The following CLCA1 variants were observed in gnomAD, a reference collection of about 807,000 sequenced individuals.
CLCA1 encodes the protein calcium-activated chloride channel regulator 1.
Under a neutral mutation model 85.6 loss-of-function variants are expected in CLCA1, and 59 were observed. The ratio of observed to expected loss-of-function variants is 0.69; its 90% CI spans 0.56 to 0.86. The LOEUF is 0.86. Among genes scored for constraint, CLCA1 ranks in the 40% least tolerant of loss-of-function variants. The pLI, the probability that CLCA1 is intolerant of heterozygous loss-of-function variation, is 0.00. For synonymous variants in CLCA1, 396 were observed against 398.3 expected, an observed-to-expected ratio of 0.99 and a Z score of 0.07; for missense variants, 1,022 against 1,101.4, an observed-to-expected ratio of 0.93 and a Z score of 1.02.
At chr1:86,483,335 T>C (rs189441360) in intron 5 of CLCA1, among the ~76,000 whole-genome samples, 3 of 152,268 alleles carry the variant, frequency 2.0e-5, no homozygotes, top group African/African-American at 4.8e-5. Context: ...AGTATCCATA[T>C]TGATAACATA....
chr1:86,479,691 C>G (rs1015181538), intron 4 of CLCA1, among the ~76,000 whole-genome samples: 9 of 152,142 alleles, frequency 5.9e-5, no homozygotes, highest in Non-Finnish European at 1.0e-4. Context: ...CGAGACCATC[C>G]TGGCTAACAC....
At position 86,473,869 on chromosome 1, in the gene CLCA1, AC is replaced by A; in HGVS notation, c.446del (p.Pro149HisfsTer37). ...CAGGAAAAAAGTTAGCTGAATATGG[AC>A]CACAAGGTATGAAATATTCTACCAT... ...IAGKKLAEYG[P>X]QGRAFVHEWA... On this transcript the variant is annotated frameshift_variant, in exon 3 of 14. Coordinates refer to ENST00000394711, the MANE Select transcript of CLCA1 (RefSeq NM_001285.4). LOFTEE classifies it high-confidence loss of function. 1 of 1,598,860 alleles carries A rather than the reference AC, an allele frequency of 6.3e-7. No homozygotes were observed. The highest frequency in any genetic ancestry group is 8.5e-7 in the Non-Finnish European group (1 of 1,173,466).
intron 6 of CLCA1, 65 bp from the exon 7 acceptor site, chr1:86,486,461 G>A: frequency 6.8e-7 from 1 of 1,460,478 alleles, no homozygotes; most frequent in Non-Finnish European, 9.5e-7. Flanking sequence ...AATTCCCTAT[G>A]GCCTTTTCTG....
At position 86,482,198 on chromosome 1, in the gene CLCA1, T is replaced by C. The variant is rs2101735354; in HGVS notation, c.558-7T>C. 6.2e-7 allele frequency: 1 copy of C among 1,610,024 alleles called. No individual in the cohort carries two copies. Among genetic ancestry groups the C allele is most frequent in the African/African-American group, 1.3e-5 (1 of 74,940 alleles). ...CACCTAAACATCTAACCTTCCTATA[T>C]TTTCAGATGTTCAGCAGGTATTACT... On this transcript the variant is annotated splice_region_variant and splice_polypyrimidine_tract_variant and intron_variant, in intron 4 of 13. Transcript: ENST00000394711.
intron 8 of CLCA1, among the ~76,000 whole-genome samples, chr1:86,491,011 G>A (rs756682229): frequency 1.3e-5 from 2 of 152,088 alleles, no homozygotes; most frequent in Non-Finnish European, 2.9e-5. Context: ...GAAGGTGGAG[G>A]TTGCAGTGAG....
At position 86,472,409 on chromosome 1, in the gene CLCA1, C is replaced by A. The variant is rs139231554; in HGVS notation, c.163-1008C>A. 6.7e-3 allele frequency among the ~76,000 whole-genome samples: 1,021 copies of A among 152,304 alleles called. 45 individuals carry two copies. Among genetic ancestry groups the A allele is most frequent in the Admixed American group, 0.062 (953 of 15,300 alleles). On this transcript the variant is annotated intron_variant, in intron 1 of 13. Coordinates refer to ENST00000394711, the MANE Select transcript of CLCA1 (RefSeq NM_001285.4). ...GCAGGCACTGACTGCCCTTCTGAGG[C>A]CCCTGTATTGGCTCCTCCTCTTTCT...
In CLCA1 at chr1:86,474,566, AG is replaced by A. The variant is rs1371825377; in HGVS notation, c.451+698del. Among the ~76,000 whole-genome samples, 122 of 106,090 alleles carry A rather than the reference AG, an allele frequency of 1.1e-3. 1 individual carries two copies. The highest frequency in any genetic ancestry group is 2.8e-3 in the Admixed American group (31 of 11,192). The allele number at this position is 106,090 out of a possible 152,430, so 69.6% of individuals were successfully genotyped here. On this transcript the variant is annotated intron_variant, in intron 3 of 13. Coordinates refer to ENST00000394711, the MANE Select transcript of CLCA1 (RefSeq NM_001285.4). ...GAGACTCCGTATCAAAAAAAAAAAA[AG>A]GGGGGGGATTCTCATTCATTAGGTG...
chr1:86,470,385 G>T lies in CLCA1; in HGVS notation c.162+1252G>T, dbSNP rs528535891. Among the ~76,000 whole-genome samples the T allele has an allele frequency of 4.6e-5, 7 of 152,296 alleles. No homozygotes were observed. The South Asian group carries it at 1.0e-3, about 23-fold the overall frequency. The stretch of plus-strand genomic sequence containing the variant: ...CATCTAAAATGTTGAGTGAGTTTTT[G>T]ATTGTTTCTAAATTTGGAAGTGGCA... On this transcript the variant is annotated intron_variant, in intron 1 of 13. Coordinates refer to ENST00000394711, the MANE Select transcript of CLCA1 (RefSeq NM_001285.4).
In CLCA1 at chr1:86,500,079, A is replaced by G. The variant is rs779442256; in HGVS notation, c.*34A>G. The G allele has an allele frequency of 6.9e-6, 10 of 1,453,042 alleles. No individual in the cohort carries two copies. In the East Asian group the frequency reaches 1.8e-4, roughly 27 times the overall value. 90.0% of individuals were successfully genotyped at this position (1,453,042 alleles called of 1,614,324 possible). A position where few individuals can be genotyped will look rare whatever the true frequency, so the allele number is the denominator to read the frequency against. ...TTTTGTCAGATAAATAAAATAAATCATTCATCCTTTTTTTTGATTATAAAA... is the reference window on the plus strand; with the variant it reads ...TTTTGTCAGATAAATAAAATAAATCGTTCATCCTTTTTTTTGATTATAAAA... On this transcript the variant is annotated 3_prime_UTR_variant, in exon 14 of 14. Transcript: ENST00000394711.
In CLCA1 at chr1:86,499,706, G is replaced by A; in HGVS notation, c.2406G>A (p.Lys802=). 6.2e-7 allele frequency: 1 copy of A among 1,603,750 alleles called. No homozygotes were observed. Among genetic ancestry groups the A allele is most frequent in the Non-Finnish European group, 8.5e-7 (1 of 1,171,004 alleles). The stretch of plus-strand genomic sequence containing the variant: ...CAAGTATTCTTGATCTCAGAGACAA[G>A]TTCAATGAATCTCTTCAAGTGAATA... ...ISTSILDLRD[K]FNESLQVNTT... Residue 802 remains lysine (K), a synonymous_variant, in exon 14 of 14, where the codon AAG becomes AAA. Transcript: ENST00000394711.
chr1:86,487,626 C>T (rs1255748075), intron 7 of CLCA1, among the ~76,000 whole-genome samples: 2 of 152,078 alleles, frequency 1.3e-5, no homozygotes, highest in Non-Finnish European at 2.9e-5. Context: ...CTGCTGTGGC[C>T]ATATTAGTTT....
intron 5 of CLCA1, among the ~76,000 whole-genome samples, chr1:86,483,179 C>T (rs2101736282): frequency 6.6e-6 from 1 of 152,256 alleles, no homozygotes. Context: ...CATTGCAGTC[C>T]ATTCCCAGGC....
intron 1 of CLCA1, among the ~76,000 whole-genome samples, chr1:86,471,758 T>C (rs1022304621): frequency 6.6e-6 from 1 of 152,044 alleles, no homozygotes; most frequent in Non-Finnish European, 1.5e-5. Flanking sequence ...TAAGAACACT[T>C]AAAAAAATAG....
chr1:86,486,017 G>GGAGAGAGAGAGAGAGAGA lies in CLCA1; in HGVS notation c.954+464_954+481dup, dbSNP rs35497869. 2.3e-3 allele frequency among the ~76,000 whole-genome samples: 335 copies of GGAGAGAGAGAGAGAGAGA among 147,408 alleles called. 1 individual carries two copies. Among genetic ancestry groups the GGAGAGAGAGAGAGAGAGA allele is most frequent in the South Asian group, 0.011 (49 of 4,404 alleles). ...GGCAGGCATGTCTTACATGGCAGCA[G>GGAGAGAGAGAGAGAGAGA]GAGAGAGAGAGAGAGAGAGAGAGAG... On this transcript the variant is annotated intron_variant, in intron 6 of 13. Coordinates refer to ENST00000394711, the MANE Select transcript of CLCA1 (RefSeq NM_001285.4).
intron 4 of CLCA1, among the ~76,000 whole-genome samples, chr1:86,479,044 C>T (rs1336457357): frequency 6.6e-6 from 1 of 151,832 alleles, no homozygotes; most frequent in East Asian, 1.9e-4. Flanking sequence ...AAATTGTGGC[C>T]AATGTAATAA....
At position 86,498,713 on chromosome 1, in the gene CLCA1, C is replaced by G. The variant is rs1648366862; in HGVS notation, c.2255C>G (p.Pro752Arg). Residue 752 changes from proline (P) to arginine (R), a missense_variant, in exon 13 of 14, where the codon CCA becomes CGA. Transcript: ENST00000394711. ...VPNAPIPDLF[P>R]PGQITDLKAE... ...AATGCTCCCATACCTGATCTCTTCC[C>G]ACCTGGCCAAATCACCGACCTGAAG... 6.2e-7 allele frequency: 1 copy of G among 1,614,108 alleles called. No homozygotes were observed. Among genetic ancestry groups the G allele is most frequent in the Non-Finnish European group, 8.5e-7 (1 of 1,180,034 alleles).
intron 8 of CLCA1, among the ~76,000 whole-genome samples, chr1:86,489,427 G>A (rs191321286): frequency 7.9e-5 from 12 of 152,286 alleles, no homozygotes; most frequent in Non-Finnish European, 1.6e-4. Flanking sequence ...CCTTCTTCCC[G>A]GGCCAGGAAC....
At position 86,473,420 on chromosome 1, in the gene CLCA1, A is replaced by T. The variant is rs771786496; in HGVS notation, c.166A>T (p.Met56Leu). 2 of 1,565,744 alleles carry T rather than the reference A, an allele frequency of 1.3e-6. No homozygotes were observed. Among genetic ancestry groups the T allele is most frequent in the Middle Eastern group, 3.4e-4 (2 of 5,884 alleles). The change falls in exon 2 of 14, where the codon ATG (methionine) becomes TTG (leucine). Residue 56 changes from methionine to leucine, a missense_variant. Coordinates refer to ENST00000394711, the MANE Select transcript of CLCA1 (RefSeq NM_001285.4). Reference sequence around the variant, plus strand: ...TATGTTTTCTTTTTCTTCCCAGGACATGGTGACCCAGGCATCTCTGTATCT... The same window carrying T: ...TATGTTTTCTTTTTCTTCCCAGGACTTGGTGACCCAGGCATCTCTGTATCT... The part of the protein sequence containing the change: ...DETLIQQIKD[M>L]VTQASLYLLE...
chr1:86,477,005 G>A (rs1340144179), intron 4 of CLCA1, among the ~76,000 whole-genome samples: 15 of 152,184 alleles, frequency 9.9e-5, no homozygotes, highest in Non-Finnish European at 2.9e-5. Flanking sequence ...AGCCTCCCGG[G>A]CTCAAGCAAT....
Sources: gnomAD v4.1 joint callset for allele counts (sites outside exome capture counted in the v4.1 genomes callset) on GRCh38, gnomAD v4.1.1 for gene constraint, MANE v1.5 for transcripts, NCBI Gene and HGNC (gene_info 2026-07-23, HGNC 2026-07-21) for gene names.